Variants in ASPRV1 observed in about 807,000 individuals in gnomAD.
ASPRV1 encodes retroviral-like aspartic protease 1.
ASPRV1 carries 7 observed loss-of-function variants against 11.0 expected under a neutral mutation model. That is an observed-to-expected ratio of 0.64 (90% CI 0.36 to 1.20). The LOEUF (loss-of-function observed/expected upper bound fraction) is 1.20, where lower values mean the gene tolerates loss of function less well. ASPRV1 is among the 50% of genes most tolerant of loss of function. The probability of loss-of-function intolerance (pLI) is 0.02; values close to 1 mark genes in which losing one functional copy is unlikely to be tolerated. For missense variants in ASPRV1, 299 were observed against 320.0 expected (o/e 0.93, Z 0.50); for synonymous variants, 136 against 138.4 (o/e 0.98, Z 0.12).
the ASPRV1 span, among the ~76,000 whole-genome samples, chr2:69,970,210 G>T: frequency 6.6e-6 from 1 of 151,864 alleles, no homozygotes; most frequent in East Asian, 1.9e-4. Context: ...TCACACCCTG[G>T]CCTCAGGGCA....
chr2:70,084,237 TAA>T, the ASPRV1 span, among the ~76,000 whole-genome samples: 53 of 152,326 alleles, frequency 3.5e-4, no homozygotes, highest in South Asian at 3.3e-3. Flanking sequence ...AGAAAAGAAA[TAA>T]GTTAGATTTA....
upstream of ASPRV1, chr2:69,962,289 C>A (rs1384868580): frequency 6.0e-6 from 1 of 166,286 alleles, no homozygotes; most frequent in Admixed American, 6.5e-5. Context: ...CATTGATCAC[C>A]CCTGATTCAG....
the ASPRV1 span, chr2:70,053,800 TG>T: frequency 6.6e-6 from 1 of 152,234 alleles, no homozygotes; most frequent in African/African-American, 2.4e-5. Flanking sequence ...GGTCTGCAAG[TG>T]GAAGAAATTC....
the ASPRV1 span, among the ~76,000 whole-genome samples, chr2:70,064,478 A>G: frequency 6.6e-6 from 1 of 152,240 alleles, no homozygotes; most frequent in Non-Finnish European, 1.5e-5. Flanking sequence ...GATCAAGGCT[A>G]ATCAGGTGAA....
chr2:69,937,714 A>T, the ASPRV1 span, among the ~76,000 whole-genome samples: 1 of 152,180 alleles, frequency 6.6e-6, no homozygotes, highest in Non-Finnish European at 1.5e-5. Context: ...TCCCGGGTTC[A>T]AGCGATTCCC....
At chr2:70,049,446 T>C in the ASPRV1 span, 24 of 152,142 alleles carry the variant, frequency 1.6e-4, no homozygotes, top group African/African-American at 4.8e-4. Flanking sequence ...TCCCTCCATT[T>C]TGAGTCAGAG....
At chr2:70,045,400 A>G in the ASPRV1 span, 1 of 152,212 alleles carries the variant, frequency 6.6e-6, no homozygotes, top group East Asian at 1.9e-4. Flanking sequence ...CATCTAATAC[A>G]TGCCTGGCTC....
At chr2:70,022,682 C>T in the ASPRV1 span, among the ~76,000 whole-genome samples, 6 of 151,366 alleles carry the variant, frequency 4.0e-5, no homozygotes, top group South Asian at 2.1e-4. Context: ...AGAGTGAGAC[C>T]CTGTTTAAAA....
chr2:70,009,242 T>C, the ASPRV1 span, among the ~76,000 whole-genome samples: 7 of 152,132 alleles, frequency 4.6e-5, no homozygotes. Flanking sequence ...TACTTGTCTA[T>C]ATATTTCCAA....
At chr2:70,053,453 T>C in the ASPRV1 span, among the ~76,000 whole-genome samples, 1 of 152,138 alleles carries the variant, frequency 6.6e-6, no homozygotes, top group Non-Finnish European at 1.5e-5. Context: ...CTGTCACCTC[T>C]TGGACACCAA....
the ASPRV1 span, among the ~76,000 whole-genome samples, chr2:70,004,983 G>T: frequency 6.6e-6 from 1 of 152,124 alleles, no homozygotes; most frequent in Non-Finnish European, 1.5e-5. Flanking sequence ...TTAAATGAAT[G>T]CATGAAGATG....
chr2:70,049,380 C>A, the ASPRV1 span: 3 of 152,026 alleles, frequency 2.0e-5, 1 homozygote, highest in South Asian at 6.2e-4. Flanking sequence ...ACATCTCTGG[C>A]AGGTAGCTGC....
the ASPRV1 span, among the ~76,000 whole-genome samples, chr2:70,005,778 A>AT: frequency 6.6e-6 from 1 of 152,278 alleles, no homozygotes; most frequent in East Asian, 1.9e-4. Context: ...TTCACTAGCC[A>AT]TTCTCCTGTT....
chr2:70,022,694 A>G, the ASPRV1 span, among the ~76,000 whole-genome samples: 1 of 152,150 alleles, frequency 6.6e-6, no homozygotes, highest in Admixed American at 6.5e-5. Context: ...TGTTTAAAAA[A>G]AAAATAACAC....
chr2:69,935,260 C>A, the ASPRV1 span: 1 of 879,776 alleles, frequency 1.1e-6, no homozygotes, highest in South Asian at 1.4e-5. Flanking sequence ...AAGGCCTGGG[C>A]AACTTCACAC....
chr2:70,038,223 G>C, the ASPRV1 span, among the ~76,000 whole-genome samples: 2 of 152,152 alleles, frequency 1.3e-5, no homozygotes, highest in Non-Finnish European at 2.9e-5. Flanking sequence ...AACATCAGAG[G>C]GTCTACATAT....
At chr2:70,077,019 A>G in the ASPRV1 span, among the ~76,000 whole-genome samples, 2 of 152,232 alleles carry the variant, frequency 1.3e-5, no homozygotes, top group Non-Finnish European at 2.9e-5. Context: ...AAGGCCACAC[A>G]GTCAGTTACC....
the ASPRV1 span, among the ~76,000 whole-genome samples, chr2:70,068,512 G>A: frequency 6.6e-6 from 1 of 152,138 alleles, no homozygotes; most frequent in African/African-American, 2.4e-5. Context: ...CACTTCCAAA[G>A]CACCAATTCC....
the ASPRV1 span, among the ~76,000 whole-genome samples, chr2:70,037,496 C>A: frequency 2.6e-5 from 4 of 152,052 alleles, no homozygotes; most frequent in Non-Finnish European, 5.9e-5. Context: ...CTGGCTAATT[C>A]ATTTTTGTAA....
Sources: gnomAD v4.1 joint callset for allele counts (sites outside exome capture counted in the v4.1 genomes callset) on GRCh38, gnomAD v4.1.1 for gene constraint, MANE v1.5 for transcripts, NCBI Gene and HGNC (gene_info 2026-07-23, HGNC 2026-07-21) for gene names.